Variants in ZFHX3 observed in about 807,000 individuals in gnomAD.
The protein encoded by ZFHX3 is zinc finger homeobox 3.
Under a neutral mutation model 279.1 loss-of-function variants are expected in ZFHX3, and 42 were observed. The observed-to-expected ratio is 0.15, with a 90% confidence interval of 0.12 to 0.19. The LOEUF is 0.19. Ranked by LOEUF, ZFHX3 falls within the 10% of genes least tolerant of loss-of-function variation. The pLI is 1.00. For missense variants in ZFHX3, 4,981 were observed against 4,754.0 expected (o/e 1.05, Z -1.40); for synonymous variants, 2,293 against 1,957.8 (o/e 1.17, Z -4.52).
chr16:73,254,006 C>T (rs1377210141), intron 5 of ZFHX3, among the ~76,000 whole-genome samples: 1 of 152,174 alleles, frequency 6.6e-6, no homozygotes, highest in Non-Finnish European at 1.5e-5. Flanking sequence ...AGCTGATTGG[C>T]AGCCTGCAGT....
intron 5 of ZFHX3, among the ~76,000 whole-genome samples, chr16:73,200,168 G>T (rs1968240139): frequency 1.3e-5 from 2 of 152,062 alleles, no homozygotes; most frequent in Admixed American, 6.6e-5. Context: ...ACTAAAAAAT[G>T]AATATCTTAT....
chr16:73,628,483 G>A (rs2052438829), intron 2 of ZFHX3, among the ~76,000 whole-genome samples: 1 of 152,188 alleles, frequency 6.6e-6, no homozygotes, highest in African/African-American at 2.4e-5. Flanking sequence ...CAGCAGGAAG[G>A]TAAGGGACTT....
chr16:73,356,041 C>A (rs1321497010), intron 3 of ZFHX3, among the ~76,000 whole-genome samples: 1 of 152,126 alleles, frequency 6.6e-6, no homozygotes, highest in African/African-American at 2.4e-5. Context: ...AGAATTCATC[C>A]CAGAGACCTA....
intron 3 of ZFHX3, among the ~76,000 whole-genome samples, chr16:73,439,146 G>C (rs1018166437): frequency 6.6e-6 from 1 of 152,226 alleles, no homozygotes; most frequent in East Asian, 1.9e-4. Flanking sequence ...TGAGGGTCTA[G>C]TGTCAGCAAT....
chr16:73,132,203 T>G (rs902239847), intron 6 of ZFHX3, among the ~76,000 whole-genome samples: 6 of 152,170 alleles, frequency 3.9e-5, no homozygotes, highest in African/African-American at 1.4e-4. Flanking sequence ...GAGGATCACT[T>G]GAGCCCAGGA....
At chr16:73,520,433 T>C (rs2019591611) in intron 2 of ZFHX3, among the ~76,000 whole-genome samples, 1 of 152,254 alleles carries the variant, frequency 6.6e-6, no homozygotes, top group Non-Finnish European at 1.5e-5. Flanking sequence ...TGTGAGCTTT[T>C]ACCAGATGAG....
At chr16:73,579,854 T>TTACATATATATATA (rs2051839546) in intron 2 of ZFHX3, among the ~76,000 whole-genome samples, 1 of 140,974 alleles carries the variant, frequency 7.1e-6, no homozygotes, top group South Asian at 2.1e-4. Context: ...ATTATACAGA[T>TTACATATATATATA]TATATATATA....
chr16:73,613,300 C>A (rs2052265593), intron 2 of ZFHX3, among the ~76,000 whole-genome samples: 1 of 152,164 alleles, frequency 6.6e-6, no homozygotes, highest in Non-Finnish European at 1.5e-5. Flanking sequence ...CTCTGATCCA[C>A]CCAGGGCCCC....
At chr16:73,168,812 C>G (rs1967454682) in intron 5 of ZFHX3, among the ~76,000 whole-genome samples, 1 of 152,200 alleles carries the variant, frequency 6.6e-6, no homozygotes, top group Non-Finnish European at 1.5e-5. Context: ...TACCGACCGT[C>G]CACTCCGCTT....
At chr16:73,420,776 CT>C (rs1397154578) in intron 3 of ZFHX3, 12 of 152,236 alleles carry the variant, frequency 7.9e-5, no homozygotes, top group Non-Finnish European at 1.5e-4. Context: ...CGTCTTCACG[CT>C]TCCACTCAGT....
chr16:73,889,363 AT>A (rs1321615280), intron 1 of ZFHX3, among the ~76,000 whole-genome samples: 2 of 152,192 alleles, frequency 1.3e-5, no homozygotes, highest in East Asian at 3.9e-4. Context: ...TATTAATAGT[AT>A]CCGTGCACAG....
At chr16:73,337,896 G>T (rs530990464) in intron 3 of ZFHX3, among the ~76,000 whole-genome samples, 1 of 145,452 alleles carries the variant, frequency 6.9e-6, no homozygotes, top group East Asian at 2.0e-4. Context: ...CCTTGGCGGG[G>T]GGGGGGGTCC....
chr16:73,823,531 A>C (rs754373238), intron 1 of ZFHX3, among the ~76,000 whole-genome samples: 23 of 152,226 alleles, frequency 1.5e-4, no homozygotes, highest in African/African-American at 2.7e-4. Flanking sequence ...CAGAATCTAG[A>C]ATAGGGGTTG....
chr16:73,713,421 A>C (rs2053383120), intron 1 of ZFHX3, among the ~76,000 whole-genome samples: 1 of 152,160 alleles, frequency 6.6e-6, no homozygotes, highest in African/African-American at 2.4e-5. Context: ...TTTATAATAT[A>C]AAGGGCTATT....
At chr16:73,576,689 G>A (rs1437035722) in intron 2 of ZFHX3, among the ~76,000 whole-genome samples, 1 of 131,330 alleles carries the variant, frequency 7.6e-6, no homozygotes, top group Non-Finnish European at 1.6e-5. Flanking sequence ...TCAAACTAAA[G>A]AACATTAAAA....
At chr16:73,077,539 G>A (rs1365388895) in intron 8 of ZFHX3, among the ~76,000 whole-genome samples, 1 of 149,936 alleles carries the variant, frequency 6.7e-6, no homozygotes, top group African/African-American at 2.5e-5. Flanking sequence ...ACTTTATCCT[G>A]CAAAAAATCT....
chr16:73,292,305 G>A (rs1250091260), intron 4 of ZFHX3, among the ~76,000 whole-genome samples: 1 of 152,174 alleles, frequency 6.6e-6, no homozygotes, highest in East Asian at 1.9e-4. Flanking sequence ...ATTTCTCCAG[G>A]GTGATGGCTA....
chr16:73,584,932 G>C (rs1473867957), intron 2 of ZFHX3, among the ~76,000 whole-genome samples: 1 of 152,160 alleles, frequency 6.6e-6, no homozygotes, highest in Non-Finnish European at 1.5e-5. Flanking sequence ...GACATGAATA[G>C]ACACTTCTCA....
At chr16:73,553,996 T>C (rs899085113) in intron 2 of ZFHX3, among the ~76,000 whole-genome samples, 3 of 152,214 alleles carry the variant, frequency 2.0e-5, no homozygotes, top group Admixed American at 6.5e-5. Flanking sequence ...AACAAACTAG[T>C]CTGAACTGCT....
Sources: gnomAD v4.1 joint callset for allele counts (sites outside exome capture counted in the v4.1 genomes callset) on GRCh38, gnomAD v4.1.1 for gene constraint, MANE v1.5 for transcripts, NCBI Gene and HGNC (gene_info 2026-07-23, HGNC 2026-07-21) for gene names.